CEP350: variants seen among roughly 807,000 people sequenced by gnomAD.
CEP350 encodes centrosomal protein 350, also known as centrosome-associated protein 350.
In CEP350, 126 loss-of-function variants were observed where a neutral mutation model predicts 331.8. The observed-to-expected ratio is 0.38, with a 90% CI of 0.33 to 0.44. CEP350 has a LOEUF of 0.44. Ranked by LOEUF, CEP350 falls within the 20% of genes least tolerant of loss-of-function variation. The pLI is 1.00. For missense variants in CEP350, 3,406 were observed against 3,634.6 expected (o/e 0.94, Z 1.62); for synonymous variants, 1,200 against 1,259.5 (o/e 0.95, Z 1.00).
chr1:180,039,272 AAGGGAGGG>A (rs1338609195), intron 17 of CEP350, among the ~76,000 whole-genome samples: 1 of 17,418 alleles, frequency 5.7e-5, no homozygotes, highest in African/African-American at 1.3e-4. Context: ...GAAAGGAAGG[AAGGGAGGG>A]AGGGAGGGAG....
intron 27 of CEP350, among the ~76,000 whole-genome samples, chr1:180,068,522 T>C (rs1172455320): frequency 6.6e-6 from 1 of 152,182 alleles, no homozygotes; most frequent in Non-Finnish European, 1.5e-5. Flanking sequence ...TATTTACAAT[T>C]TAAGTGGATT....
chr1:179,997,492 G>A (rs1336010235), intron 6 of CEP350, among the ~76,000 whole-genome samples: 1 of 146,416 alleles, frequency 6.8e-6, no homozygotes, highest in Non-Finnish European at 1.5e-5. Context: ...ACACTGAGCC[G>A]AGATCTCACC....
intron 22 of CEP350, among the ~76,000 whole-genome samples, chr1:180,049,573 C>A (rs966075601): frequency 7.4e-6 from 1 of 135,084 alleles, no homozygotes; most frequent in Non-Finnish European, 1.5e-5. Flanking sequence ...GAGACAGAGT[C>A]TTGTTCTGTC....
rs367948492 is a variant in CEP350 at position 179,987,281 on chromosome 1, G to T, written c.115G>T (p.Ala39Ser). 36 of 1,546,206 alleles carry T rather than the reference G, an allele frequency of 2.3e-5. No homozygotes were observed. Among genetic ancestry groups the T allele is most frequent in the Non-Finnish European group, 3.0e-5 (34 of 1,125,474 alleles). Residue 39 changes from alanine to serine, a missense_variant, in exon 3 of 38, where the codon GCT becomes TCT. Physicochemically the swap from Ala to Ser is moderately conservative, Grantham distance 99. This residue lies in a region of CEP350 where 1,857 missense variants were observed against 1,909.2 expected (regional missense o/e 0.97). Coordinates refer to ENST00000367607, the MANE Select transcript of CEP350 (RefSeq NM_014810.5). ...TSWDALSQTK[A>S]ALRHIENKLE... ...GTGGGATGCACTTTCTCAAACCAAG[G>T]CTGCTGTAAGTAGTTTTAGCTTCCA...
At chr1:180,060,023 C>G (rs909343732) in intron 25 of CEP350, among the ~76,000 whole-genome samples, 1 of 151,902 alleles carries the variant, frequency 6.6e-6, no homozygotes, top group African/African-American at 2.4e-5. Flanking sequence ...TTGCAAAACT[C>G]TAAAATATCA....
At chr1:179,963,772 G>A (rs1448678042) in intron 1 of CEP350, among the ~76,000 whole-genome samples, 1 of 152,030 alleles carries the variant, frequency 6.6e-6, no homozygotes, top group Admixed American at 6.6e-5. Context: ...TGGGTAATGT[G>A]ATGCCTCCTG....
At chr1:180,007,100 T>C (rs1012266166) in intron 8 of CEP350, among the ~76,000 whole-genome samples, 31 of 152,232 alleles carry the variant, frequency 2.0e-4, no homozygotes, top group African/African-American at 7.5e-4. Context: ...AGTAGAATGA[T>C]TTACAATCCT....
chr1:180,073,616 TAC>T (rs1269874080), intron 27 of CEP350, among the ~76,000 whole-genome samples: 6 of 152,194 alleles, frequency 3.9e-5, no homozygotes, highest in Non-Finnish European at 8.8e-5. Flanking sequence ...TCTATAAAAA[TAC>T]ACTTTTAAAA....
chr1:180,051,049 A>C (rs1571924150), intron 22 of CEP350, among the ~76,000 whole-genome samples: 1 of 152,222 alleles, frequency 6.6e-6, no homozygotes, highest in East Asian at 1.9e-4. Flanking sequence ...AAGTGATTTG[A>C]AAACTTATGT....
Position 180,036,913 on chromosome 1 carries a change from T to C in CEP350, c.3947-13T>C. The C allele has an allele frequency of 6.6e-7, 1 of 1,521,468 alleles. No individual in the cohort carries two copies. The highest frequency in any genetic ancestry group is 8.8e-7 in the Non-Finnish European group (1 of 1,134,570). 94.2% of individuals were successfully genotyped at this position (1,521,468 alleles called of 1,614,324 possible). A position where few individuals can be genotyped will look rare whatever the true frequency, so the allele number is the denominator to read the frequency against. On this transcript the variant is annotated splice_polypyrimidine_tract_variant and intron_variant, in intron 16 of 37. Coordinates refer to ENST00000367607, the MANE Select transcript of CEP350 (RefSeq NM_014810.5). ...TGTTAACTTTTCCATTTGACCATTG[T>C]CATGCCTTCCAGGTTCTAAGCGCTT...
rs1656187498 is a variant in CEP350, at chr1:180,034,005, T to C, written c.3869T>C (p.Phe1290Ser). Residue 1290 changes from phenylalanine (F) to serine (S), a missense_variant, in exon 16 of 38, where the codon TTT (phenylalanine) becomes TCT (serine). By Grantham distance (155) the Phe-to-Ser change is radical. Around this residue, in one of 5 missense-constraint regions of CEP350, gnomAD observed 1,857 missense variants for 1,909.2 expected, o/e 0.97. Transcript: ENST00000367607. ...SSVMPPTITG[F>S]KPNAPLTDLN... ...GTAATGCCTCCAACTATAACAGGAT[T>C]TAAGCCTAATGCACCTCTCACTGAT... is the stretch of plus-strand genomic sequence containing the variant. 1 of 1,613,740 alleles carries C rather than the reference T, an allele frequency of 6.2e-7. No individual in the cohort carries two copies. The highest frequency in any genetic ancestry group is 8.5e-7 in the Non-Finnish European group (1 of 1,179,822).
In CEP350 at chr1:180,053,009, A is replaced by G. The variant is rs777733593; in HGVS notation, c.4832A>G (p.Asp1611Gly). The change falls in exon 23 of 38, where the codon GAT (aspartate) becomes GGT (glycine). Residue 1611 changes from aspartate (D) to glycine (G), a missense_variant. By Grantham distance (94) the Asp-to-Gly change is moderately conservative. This residue lies in a region of CEP350 where 1,857 missense variants were observed against 1,909.2 expected (regional missense o/e 0.97). Transcript: ENST00000367607. ...GCAACAGAATATTCTCTGAAATTTG[A>G]TGAATCCATGACAGAAGATGAAATA... is the stretch of plus-strand genomic sequence containing the variant. ...SIATEYSLKFDESMTEDEIEE... is the reference protein window; with the variant it reads ...SIATEYSLKFGESMTEDEIEE... 2.1e-6 allele frequency: 3 copies of G among 1,462,954 alleles called. No homozygotes were observed. Among genetic ancestry groups the G allele is most frequent in the Non-Finnish European group, 2.8e-6 (3 of 1,052,636 alleles). 90.6% of individuals were successfully genotyped at this position (1,462,954 alleles called of 1,614,324 possible). A position where few individuals can be genotyped will look rare whatever the true frequency, so the allele number is the denominator to read the frequency against.
chr1:180,020,960 A>G lies in CEP350; in HGVS notation c.3186A>G (p.Pro1062=), dbSNP rs755169756. 1.9e-6 allele frequency: 3 copies of G among 1,582,744 alleles called. No homozygotes were observed. The highest frequency in any genetic ancestry group is 2.7e-5 in the African/African-American group (2 of 73,034). ...GGGAAGAATTGGCAAAGGGAAGTCC[A>G]CATAGCGTCATTAATATTTTTACAA... ...GPWEELAKGS[P]HSVINIFTKS... The change falls in exon 12 of 38, where the codon CCA becomes CCG. Residue 1062 remains proline (P), a synonymous_variant. Coordinates refer to ENST00000367607, the MANE Select transcript of CEP350 (RefSeq NM_014810.5).
At chr1:180,108,879 G>A (rs73036437) in intron 37 of CEP350, among the ~76,000 whole-genome samples, 2,556 of 152,208 alleles carry the variant, frequency 0.017, 74 homozygotes, top group African/African-American at 0.058. Flanking sequence ...CTTTTTGGTG[G>A]TACATTAGGG....
intron 1 of CEP350, chr1:179,969,263 GA>G: frequency 4.0e-6 from 2 of 503,060 alleles, no homozygotes; most frequent in Non-Finnish European, 3.9e-6. Flanking sequence ...TGAAGAGACT[GA>G]AAAAGCAGAG....
chr1:180,084,809 C>T (rs1409267195), intron 31 of CEP350, among the ~76,000 whole-genome samples: 1 of 152,076 alleles, frequency 6.6e-6, no homozygotes, highest in Non-Finnish European at 1.5e-5. Flanking sequence ...GGCTGTAGTG[C>T]ACCATGATTG....
At chr1:180,017,698 T>C (rs76771877) in intron 11 of CEP350, among the ~76,000 whole-genome samples, 132 of 152,340 alleles carry the variant, frequency 8.7e-4, no homozygotes, top group African/African-American at 2.8e-3. Context: ...TTCCCGTTAA[T>C]AGTTTTAGCA....
chr1:180,019,248 A>C (rs1320450200), intron 11 of CEP350, among the ~76,000 whole-genome samples: 1 of 152,200 alleles, frequency 6.6e-6, no homozygotes, highest in Non-Finnish European at 1.5e-5. Flanking sequence ...GTCTGGAAAT[A>C]TAGGTAAATA....
intron 1 of CEP350, among the ~76,000 whole-genome samples, chr1:179,968,385 T>C (rs547749835): frequency 6.6e-6 from 1 of 151,478 alleles, no homozygotes; most frequent in South Asian, 2.1e-4. Context: ...TGCAGTTTTA[T>C]GTAAGAGACA....
Sources: allele counts gnomAD v4.1 joint callset (sites outside exome capture counted in the v4.1 genomes callset), GRCh38; gene constraint gnomAD v4.1.1; regional missense constraint gnomAD v4.1.1; transcripts MANE v1.5; gene names NCBI Gene and HGNC (gene_info 2026-07-23, HGNC 2026-07-21).